INPP5B: variants seen among roughly 807,000 people sequenced by gnomAD.
The protein encoded by INPP5B is type II inositol 1,4,5-trisphosphate 5-phosphatase.
INPP5B carries 90 observed loss-of-function variants against 118.5 expected under a neutral mutation model. The ratio of observed to expected loss-of-function variants is 0.76; its 90% CI spans 0.64 to 0.90. The LOEUF (loss-of-function observed/expected upper bound fraction) is 0.90. Ranked by LOEUF, INPP5B falls within the 40% of genes least tolerant of loss-of-function variation. The pLI, the probability that INPP5B is intolerant of heterozygous loss-of-function variation, is 0.00. For missense variants in INPP5B, 984 were observed against 1,125.6 expected (o/e 0.87, Z 1.80); for synonymous variants, 385 against 418.9 (o/e 0.92, Z 0.99).
intron 7 of INPP5B, among the ~76,000 whole-genome samples, chr1:37,894,804 A>G (rs928847054): frequency 6.6e-6 from 1 of 152,018 alleles, no homozygotes; most frequent in Non-Finnish European, 1.5e-5. Flanking sequence ...CAGGTCTCCC[A>G]GTGCTGGGAT....
At chr1:37,891,498 G>A (rs746351844) in intron 7 of INPP5B, 44 bp from the exon 8 acceptor site, 1 of 1,400,480 alleles carries the variant, frequency 7.1e-7, no homozygotes, top group Non-Finnish European at 1.0e-6. Flanking sequence ...ACATAGGCTG[G>A]ACATGGTGGC....
intron 7 of INPP5B, among the ~76,000 whole-genome samples, chr1:37,918,616 C>G (rs1234684313): frequency 6.6e-6 from 1 of 152,150 alleles, no homozygotes; most frequent in African/African-American, 2.4e-5. Flanking sequence ...TTGGAAAATG[C>G]CTTGGGCTTT....
Position 37,885,799 on chromosome 1 carries a change from C to A in INPP5B, c.1158G>T (p.Arg386Ser), listed in dbSNP as rs772615679. The A allele has an allele frequency of 2.5e-6, 4 of 1,614,028 alleles. No homozygotes were observed. The highest frequency in any genetic ancestry group is 3.4e-6 in the Non-Finnish European group (4 of 1,180,006). The change falls in exon 13 of 24, where the codon AGG becomes AGT. Residue 386 changes from arginine to serine, a missense_variant. Arg to Ser is a moderately radical substitution (Grantham distance 110). Transcript: ENST00000373024. ...AGATGCTGGTGTTGTGGAACTGGAA[C>A]CTGATCGCCACGCCTCCCTTGTTGC... ...RMGNKGGVAI[R>S]FQFHNTSICV...
At chr1:37,892,897 G>C (rs1309181044) in intron 7 of INPP5B, among the ~76,000 whole-genome samples, 1 of 151,898 alleles carries the variant, frequency 6.6e-6, no homozygotes, top group Non-Finnish European at 1.5e-5. Context: ...TTCCCCTTTT[G>C]CTATGTGAGA....
chr1:37,894,561 CTTTTTTTT>C (rs759895009), intron 7 of INPP5B, among the ~76,000 whole-genome samples: 4 of 139,020 alleles, frequency 2.9e-5, no homozygotes, highest in African/African-American at 1.1e-4. Context: ...TTTCTTTTTT[CTTTTTTTT>C]TTTTTTTTTT....
chr1:37,920,908 C>T (rs1645031765), intron 7 of INPP5B, among the ~76,000 whole-genome samples: 1 of 152,022 alleles, frequency 6.6e-6, no homozygotes, highest in Admixed American at 6.6e-5. Flanking sequence ...AGATCGAGAC[C>T]ATCCTGGCTA....
intron 7 of INPP5B, among the ~76,000 whole-genome samples, chr1:37,897,257 G>A (rs540429749): frequency 1.3e-5 from 2 of 151,156 alleles, no homozygotes; most frequent in South Asian, 4.2e-4. Flanking sequence ...TTGAGAACGG[G>A]CCATGATGAC....
In INPP5B at chr1:37,931,946, C is replaced by A. The variant is rs761177698; in HGVS notation, c.499G>T (p.Val167Phe). 7 of 1,614,106 alleles carry A rather than the reference C, an allele frequency of 4.3e-6. No homozygotes were observed. The Admixed American group carries it at 8.3e-5, about 19-fold the overall frequency. Residue 167 changes from valine (V) to phenylalanine (F), a missense_variant, in exon 7 of 24, where the codon GTT becomes TTT. Physicochemically the swap from Val to Phe is conservative, Grantham distance 50. Around this residue, in one of 2 missense-constraint regions of INPP5B, gnomAD observed 350 missense variants for 334.6 expected, o/e 1.05. Coordinates refer to ENST00000373024, the MANE Select transcript of INPP5B (RefSeq NM_005540.3). Reference protein sequence around the residue: ...PTPRGCNSALVTWPGYATIGG... With the variant: ...PTPRGCNSALFTWPGYATIGG... Reference sequence around the variant, plus strand: ...ATTGTCGCGTACCCTGGCCAGGTAACTAGGGCCGAGTTACAACCGCGCGGC... The same window carrying A: ...ATTGTCGCGTACCCTGGCCAGGTAAATAGGGCCGAGTTACAACCGCGCGGC...
intron 22 of INPP5B, 28 bp downstream of exon 22, chr1:37,865,733 C>T: frequency 6.8e-6 from 11 of 1,609,592 alleles, no homozygotes; most frequent in Non-Finnish European, 9.3e-6. Flanking sequence ...CTGGGGCTAA[C>T]CACATGCTGC....
rs375496963 is a variant in INPP5B, at chr1:37,943,879, G to C, written c.167C>G (p.Thr56Arg). 7 of 1,613,294 alleles carry C rather than the reference G, an allele frequency of 4.3e-6. 1 individual carries two copies. The Admixed American group carries it at 8.3e-5, about 19-fold the overall frequency. ...GGQEHALFLY[T>R]HRRMAITGDD... ...CCCGGTAATGGCCATCCTCCGGTGC[G>C]TATAGAGGAAGAGACTAAGGGCAGG... is the stretch of plus-strand genomic sequence containing the variant. Residue 56 changes from threonine (T) to arginine (R), a missense_variant, in exon 4 of 24, where the codon ACG becomes AGG. Around this residue, in one of 2 missense-constraint regions of INPP5B, gnomAD observed 350 missense variants for 334.6 expected, o/e 1.05. Coordinates refer to ENST00000373024, the MANE Select transcript of INPP5B (RefSeq NM_005540.3).
At chr1:37,937,109 G>A (rs1006088714) in intron 6 of INPP5B, among the ~76,000 whole-genome samples, 46 of 151,430 alleles carry the variant, frequency 3.0e-4, no homozygotes, top group African/African-American at 1.1e-3. Flanking sequence ...TCAGGAGTTC[G>A]AGACCAGCCT....
chr1:37,885,920 C>T, intron 12 of INPP5B, 95 bp from the exon 13 acceptor site: 1 of 1,140,706 alleles, frequency 8.8e-7, no homozygotes, highest in East Asian at 2.4e-5. Flanking sequence ...TGGCTCACGC[C>T]TGTAATCCCA....
intron 8 of INPP5B, among the ~76,000 whole-genome samples, chr1:37,890,849 T>A (rs1459550475): frequency 6.6e-6 from 1 of 152,172 alleles, no homozygotes; most frequent in East Asian, 1.9e-4. Context: ...CAGAAAAAAG[T>A]ACTTACCTCT....
intron 10 of INPP5B, among the ~76,000 whole-genome samples, chr1:37,887,720 C>G (rs536571969): frequency 6.6e-6 from 1 of 152,220 alleles, no homozygotes; most frequent in South Asian, 2.1e-4. Flanking sequence ...ATCTGTAACC[C>G]CTAGTTCACA....
chr1:37,906,209 C>T (rs1644497423), intron 7 of INPP5B, among the ~76,000 whole-genome samples: 1 of 152,274 alleles, frequency 6.6e-6, no homozygotes, highest in East Asian at 1.9e-4. Context: ...ACCTTGGCTA[C>T]AGACTCTGTA....
intron 7 of INPP5B, among the ~76,000 whole-genome samples, chr1:37,895,302 G>GTTCT (rs1459324653): frequency 6.6e-6 from 1 of 152,156 alleles, no homozygotes; most frequent in Non-Finnish European, 1.5e-5. Flanking sequence ...CTTACCATAT[G>GTTCT]TTCTACCCAT....
chr1:37,898,282 G>A (rs1570179104), intron 7 of INPP5B, among the ~76,000 whole-genome samples: 2 of 152,218 alleles, frequency 1.3e-5, no homozygotes, highest in Non-Finnish European at 2.9e-5. Context: ...TGAGGGTGGG[G>A]TCAAATAAAT....
At position 37,873,102 on chromosome 1, in the gene INPP5B, G is replaced by A. The variant is rs766935447; in HGVS notation, c.2015C>T (p.Ser672Leu). 4.3e-6 allele frequency: 7 copies of A among 1,614,036 alleles called. No individual in the cohort carries two copies. Among genetic ancestry groups the A allele is most frequent in the African/African-American group, 1.3e-5 (1 of 75,012 alleles). Residue 672 changes from serine (S) to leucine (L), a missense_variant, in exon 19 of 24, where the codon TCG becomes TTG. Around this residue, in one of 2 missense-constraint regions of INPP5B, gnomAD observed 634 missense variants for 791.0 expected, o/e 0.80. Transcript: ENST00000373024. ...AATGTCCTCAATTTTGTCTTCACCCGAGTTGAGCTTTGTAGCTGTCATCTT... is the reference window on the plus strand; with the variant it reads ...AATGTCCTCAATTTTGTCTTCACCCAAGTTGAGCTTTGTAGCTGTCATCTT... ...VNKMTATKLNSGEDKIEDILV... is the reference protein window; with the variant it reads ...VNKMTATKLNLGEDKIEDILV...
chr1:37,920,347 T>C (rs1039945154), intron 7 of INPP5B, among the ~76,000 whole-genome samples: 12 of 152,156 alleles, frequency 7.9e-5, no homozygotes, highest in African/African-American at 2.4e-4. Context: ...GGAAAAGTTT[T>C]ATTTGAGAAG....
Sources: gnomAD v4.1 joint callset for allele counts (sites outside exome capture counted in the v4.1 genomes callset) on GRCh38, gnomAD v4.1.1 for gene constraint, gnomAD v4.1.1 regional missense constraint, MANE v1.5 for transcripts, NCBI Gene and HGNC (gene_info 2026-07-23, HGNC 2026-07-21) for gene names.